The following KIF7 variants were observed in gnomAD, a reference collection of about 807,000 sequenced individuals.
The protein encoded by KIF7 is kinesin-like protein KIF7.
Under a neutral mutation model 135.7 loss-of-function variants are expected in KIF7, and 104 were observed. That is an observed-to-expected ratio of 0.77 (90% confidence interval 0.65 to 0.90). The LOEUF is 0.90. Among genes scored for constraint, KIF7 ranks in the 40% least tolerant of loss-of-function variants. The pLI, the probability that KIF7 is intolerant of heterozygous loss-of-function variation, is 0.00. For missense variants in KIF7, 2,005 were observed against 1,839.1 expected (o/e 1.09, Z -1.65); for synonymous variants, 883 against 809.4 (o/e 1.09, Z -1.54).
chr15:89,645,747 G>C, intron 8 of KIF7, 146 bp downstream of exon 8: 1 of 1,164,178 alleles, frequency 8.6e-7, no homozygotes, highest in Non-Finnish European at 1.2e-6. Flanking sequence ...CTCTCCCCCA[G>C]GGGCTGGCCA....
chr15:89,652,314 C>T (rs1409697738), intron 2 of KIF7, among the ~76,000 whole-genome samples: 1 of 152,200 alleles, frequency 6.6e-6, no homozygotes, highest in Non-Finnish European at 1.5e-5. Flanking sequence ...AGACACGCCA[C>T]CTTCCCGTGC....
At chr15:89,624,407 A>G (rs1963477237), downstream of KIF7, 1 of 1,614,202 alleles carries the variant, frequency 6.2e-7, no homozygotes, top group Non-Finnish European at 8.5e-7. Context: ...GAACTCTCAC[A>G]GAGAGCTACA....
chr15:89,631,763 G>T (rs540974436), intron 14 of KIF7, 53 bp from the exon 15 acceptor site: 9 of 1,453,026 alleles, frequency 6.2e-6, no homozygotes, highest in East Asian at 5.0e-5. Flanking sequence ...GTCCTCACAG[G>T]GGGGACAGAA....
chr15:89,645,255 T>A, intron 9 of KIF7, 81 bp downstream of exon 9: 5 of 1,598,344 alleles, frequency 3.1e-6, no homozygotes, highest in Non-Finnish European at 4.3e-6. Flanking sequence ...GGATGGTGGG[T>A]GGGACTGTCC....
At chr15:89,630,765 A>T (rs1963656683) in intron 15 of KIF7, 1 of 537,174 alleles carries the variant, frequency 1.9e-6, no homozygotes, top group African/African-American at 1.9e-5. Flanking sequence ...CCCTAACCAA[A>T]CAAAAGGCAT....
At chr15:89,627,244 T>C, downstream of KIF7, 1 of 806,224 alleles carries the variant, frequency 1.2e-6, no homozygotes, top group Non-Finnish European at 1.9e-6. Context: ...ATGGATCCAA[T>C]CCATCTCCTG....
At chr15:89,636,084 C>T (rs1356666590) in intron 11 of KIF7, among the ~76,000 whole-genome samples, 1 of 151,966 alleles carries the variant, frequency 6.6e-6, no homozygotes, top group Non-Finnish European at 1.5e-5. Context: ...AACTAAGCTT[C>T]ATAAGTGAAG....
intron 12 of KIF7, 69 bp from the exon 13 acceptor site, chr15:89,633,335 C>T: frequency 6.5e-7 from 1 of 1,532,484 alleles, no homozygotes; most frequent in East Asian, 2.4e-5. Flanking sequence ...GCCACCGATC[C>T]CAAAGCCCCC....
At chr15:89,634,592 T>C (rs960673189) in intron 11 of KIF7, among the ~76,000 whole-genome samples, 1 of 152,142 alleles carries the variant, frequency 6.6e-6, no homozygotes, top group African/African-American at 2.4e-5. Flanking sequence ...ATCGGGTCAC[T>C]CCCACCAGAA....
intron 6 of KIF7, 121 bp from the exon 7 acceptor site, chr15:89,647,178 A>T (rs1964029629): frequency 1.2e-6 from 1 of 824,626 alleles, no homozygotes; most frequent in African/African-American, 1.7e-5. Context: ...AGGAGTGTCA[A>T]ATACTCCTCT....
chr15:89,648,835 C>T (rs1251615947), intron 4 of KIF7, 61 bp from the exon 5 acceptor site: 2 of 1,486,630 alleles, frequency 1.3e-6, no homozygotes, highest in Non-Finnish European at 1.8e-6. Flanking sequence ...GGCCAGCGGG[C>T]CAGACCTGGG....
At position 89,630,271 on chromosome 15, in the gene KIF7, TG is replaced by T. The variant is rs1386778734; in HGVS notation, c.3318+15del. 6.2e-7 allele frequency: 1 copy of T among 1,612,980 alleles called. No individual in the cohort carries two copies. The highest frequency in any genetic ancestry group is 8.5e-7 in the Non-Finnish European group (1 of 1,179,348). The stretch of plus-strand genomic sequence containing the variant: ...CCGCTGAGGAGGAGCTGGGGGGCCA[TG>T]GGCTGCTGGCCCACCTTGTCAAAAT... On this transcript the variant is annotated intron_variant, in intron 16 of 18. Transcript: ENST00000394412.
chr15:89,627,428 A>C (rs1963553048), downstream of KIF7: 1 of 271,572 alleles, frequency 3.7e-6, no homozygotes, highest in Non-Finnish European at 7.0e-6. Flanking sequence ...ATGCAAATGG[A>C]GAAAGGCGCC....
At position 89,618,280 on chromosome 15, in the gene KIF7, G is replaced by A. The variant is rs879018113; in HGVS notation, c.181-85C>T. 8 of 1,380,958 alleles carry A rather than the reference G, an allele frequency of 5.8e-6. No homozygotes were observed. The South Asian group carries it at 5.8e-5, about 10-fold the overall frequency. The allele number at this position is 1,380,958 out of a possible 1,614,324, so 85.5% of individuals were successfully genotyped here. On this transcript the variant is annotated intron_variant and NMD_transcript_variant, in intron 1 of 2. Coordinates refer to the KIF7 transcript ENST00000558928. ...CTATGAAAACCTTTCTGTATGTATTGTTACTTGGCATATCCTAAGATATTT... is the reference window on the plus strand; with the variant it reads ...CTATGAAAACCTTTCTGTATGTATTATTACTTGGCATATCCTAAGATATTT...
upstream of KIF7, among the ~76,000 whole-genome samples, chr15:89,656,589 T>A (rs1250031785): frequency 6.6e-6 from 1 of 152,122 alleles, no homozygotes; most frequent in African/African-American, 2.4e-5. Context: ...TATAGGAAAG[T>A]CATCCACAAT....
upstream of KIF7, among the ~76,000 whole-genome samples, chr15:89,657,918 T>C (rs971399169): frequency 6.6e-6 from 1 of 152,184 alleles, no homozygotes; most frequent in Non-Finnish European, 1.5e-5. Flanking sequence ...CAAGAAGATG[T>C]GAAAACATAT....
chr15:89,642,382 G>T lies in KIF7; in HGVS notation c.2215C>A (p.Arg739Ser). The T allele has an allele frequency of 6.2e-7, 1 of 1,605,354 alleles. No homozygotes were observed. Among genetic ancestry groups the T allele is most frequent in the South Asian group, 1.1e-5 (1 of 89,704 alleles). ...RTGKAAQALN[R>S]QHSQRIRELE... ...TCCCGGATACGCTGGCTGTGCTGGC[G>T]GTTCAGGGCCTGAGCTGCCTTTCCT... Residue 739 changes from arginine (R) to serine (S), a missense_variant, in exon 11 of 19, where the codon CGC becomes AGC. Physicochemically the swap from Arg to Ser is moderately radical, Grantham distance 110 (BLOSUM62 -1). Transcript: ENST00000394412.
At chr15:89,632,561 C>A (rs1479556988) in intron 14 of KIF7, among the ~76,000 whole-genome samples, 2 of 152,162 alleles carry the variant, frequency 1.3e-5, no homozygotes, top group Non-Finnish European at 2.9e-5. Context: ...TGGGGATGCA[C>A]AGGATAGAAC....
At chr15:89,624,807 T>C, downstream of KIF7, 1 of 1,614,168 alleles carries the variant, frequency 6.2e-7, no homozygotes, top group Admixed American at 1.7e-5. Flanking sequence ...CTGAGAAGTC[T>C]TCTCTGTCTC....
Sources: allele counts gnomAD v4.1 joint callset (sites outside exome capture counted in the v4.1 genomes callset), GRCh38; gene constraint gnomAD v4.1.1; transcripts MANE v1.5; gene names NCBI Gene and HGNC (gene_info 2026-07-23, HGNC 2026-07-21).